Variants in RALGPS1 observed in about 807,000 individuals in gnomAD.
RALGPS1 encodes ras-specific guanine nucleotide-releasing factor RalGPS1.
In RALGPS1, 19 loss-of-function variants were observed where a neutral mutation model predicts 78.8. That is an observed-to-expected ratio of 0.24 (90% CI 0.17 to 0.35). The LOEUF (loss-of-function observed/expected upper bound fraction) is 0.35, where lower values mean the gene tolerates loss of function less well. Ranked by LOEUF, RALGPS1 falls within the 10% of genes least tolerant of loss-of-function variation. The probability of loss-of-function intolerance (pLI) is 1.00; values close to 1 mark genes in which losing one functional copy is unlikely to be tolerated. For missense variants in RALGPS1, 454 were observed against 688.3 expected, an observed-to-expected ratio of 0.66 and a Z score of 3.81; for synonymous variants, 228 against 256.3, an observed-to-expected ratio of 0.89 and a Z score of 1.06.
chr9:127,061,753 C>T (rs906421190), intron 7 of RALGPS1, among the ~76,000 whole-genome samples: 1 of 152,162 alleles, frequency 6.6e-6, no homozygotes, highest in Non-Finnish European at 1.5e-5. Flanking sequence ...CCCTAGAGAG[C>T]CCTTTCCTAT....
At chr9:126,998,195 C>T (rs1445433317) in intron 4 of RALGPS1, among the ~76,000 whole-genome samples, 5 of 152,148 alleles carry the variant, frequency 3.3e-5, no homozygotes, top group Non-Finnish European at 7.4e-5. Flanking sequence ...TAAAGAGCTT[C>T]TGCACAGCAA....
At chr9:127,056,442 C>G (rs2135500995) in intron 7 of RALGPS1, among the ~76,000 whole-genome samples, 1 of 152,332 alleles carries the variant, frequency 6.6e-6, no homozygotes, top group South Asian at 2.1e-4. Context: ...GCTGCTTGTT[C>G]TTGGTGAACC....
chr9:127,204,392 T>C (rs1184079691), intron 14 of RALGPS1, among the ~76,000 whole-genome samples: 3 of 152,102 alleles, frequency 2.0e-5, no homozygotes, highest in Non-Finnish European at 4.4e-5. Context: ...AGTGCTGGGA[T>C]GACAGGCAGG....
At chr9:127,029,986 G>GT (rs985676883) in intron 4 of RALGPS1, among the ~76,000 whole-genome samples, 3 of 152,300 alleles carry the variant, frequency 2.0e-5, no homozygotes, top group Non-Finnish European at 2.9e-5. Flanking sequence ...TTAAGACTAA[G>GT]TTTTTTTGCA....
At chr9:127,066,401 G>C (rs1430299183) in intron 7 of RALGPS1, among the ~76,000 whole-genome samples, 3 of 152,348 alleles carry the variant, frequency 2.0e-5, no homozygotes, top group East Asian at 3.9e-4. Context: ...AACACTTTGG[G>C]AGGCCAAGGC....
At chr9:127,061,860 C>T (rs867584259) in intron 7 of RALGPS1, among the ~76,000 whole-genome samples, 1 of 152,080 alleles carries the variant, frequency 6.6e-6, no homozygotes, top group African/African-American at 2.4e-5. Context: ...AGATCTGGAC[C>T]CTGAATGGGC....
chr9:127,035,747 T>C (rs758452207), intron 5 of RALGPS1, among the ~76,000 whole-genome samples: 1 of 152,184 alleles, frequency 6.6e-6, no homozygotes, highest in Non-Finnish European at 1.5e-5. Flanking sequence ...AGCATTATTA[T>C]TATTTGATGA....
At chr9:127,135,078 A>G (rs2057301709) in intron 8 of RALGPS1, among the ~76,000 whole-genome samples, 1 of 152,216 alleles carries the variant, frequency 6.6e-6, no homozygotes, top group Non-Finnish European at 1.5e-5. Context: ...GTGATGAGCT[A>G]TAGACCTTCG....
At chr9:127,029,056 G>A (rs575446823) in intron 4 of RALGPS1, among the ~76,000 whole-genome samples, 26 of 152,202 alleles carry the variant, frequency 1.7e-4, no homozygotes, top group African/African-American at 5.8e-4. Flanking sequence ...GGAAGGTGTG[G>A]ACATCATGCA....
At chr9:127,117,104 G>T (rs1006965059) in intron 8 of RALGPS1, among the ~76,000 whole-genome samples, 1 of 152,226 alleles carries the variant, frequency 6.6e-6, no homozygotes, top group Non-Finnish European at 1.5e-5. Context: ...CTTTGCATGT[G>T]CTGTGCTTCC....
At chr9:127,063,781 T>C (rs1410080245) in intron 7 of RALGPS1, among the ~76,000 whole-genome samples, 2 of 152,264 alleles carry the variant, frequency 1.3e-5, no homozygotes, top group Non-Finnish European at 2.9e-5. Flanking sequence ...GTTTAACGTA[T>C]AGTATTCTAA....
rs75994318 is a variant in RALGPS1, at chr9:127,099,567, C to T, written c.610+30211C>T. Among the ~76,000 whole-genome samples the T allele has an allele frequency of 8.6e-3, 1,309 of 152,276 alleles. 18 individuals carry two copies. The highest frequency in any genetic ancestry group is 0.03 in the African/African-American group (1,229 of 41,552). ...TGGGCACCCCATGAGGGCAGGAGAA[C>T]AGACACACAGGGTCGGGGGATGGGG... is the stretch of plus-strand genomic sequence containing the variant. On this transcript the variant is annotated intron_variant, in intron 8 of 18. Transcript: ENST00000259351.
intron 6 of RALGPS1, among the ~76,000 whole-genome samples, chr9:127,052,051 C>T (rs1028803214): frequency 3.9e-5 from 6 of 152,166 alleles, no homozygotes; most frequent in African/African-American, 9.7e-5. Flanking sequence ...GCAGAAGTGC[C>T]GTGATTGCCT....
At position 127,218,962 on chromosome 9, in the gene RALGPS1, C is replaced by A. The variant is rs150145245; in HGVS notation, c.*193C>A. 2 of 648,070 alleles carry A rather than the reference C, an allele frequency of 3.1e-6. No homozygotes were observed. Among genetic ancestry groups the A allele is most frequent in the East Asian group, 2.6e-5 (1 of 37,850 alleles). 40.1% of individuals were successfully genotyped at this position (648,070 alleles called of 1,614,324 possible). The stretch of plus-strand genomic sequence containing the variant: ...GTGGGATCCACCTGTCAGTCCCCAG[C>A]GACTCTCATGACACTCATTCTGCAG... On this transcript the variant is annotated 3_prime_UTR_variant, in exon 19 of 19. Coordinates refer to ENST00000259351, the MANE Select transcript of RALGPS1 (RefSeq NM_014636.3). This position sits in a 1 kb window ranked among gnomAD's most constrained non-coding sequence, Gnocchi z 4.4.
At chr9:126,935,846 A>G (rs2036207013) in intron 1 of RALGPS1, among the ~76,000 whole-genome samples, 3 of 152,232 alleles carry the variant, frequency 2.0e-5, no homozygotes, top group Admixed American at 2.0e-4. Context: ...CTCTGGCTCT[A>G]GAAGTGGAGC....
At chr9:127,204,057 G>C (rs989220901) in intron 14 of RALGPS1, among the ~76,000 whole-genome samples, 3 of 152,204 alleles carry the variant, frequency 2.0e-5, no homozygotes, top group African/African-American at 7.2e-5. Context: ...CCAGGTCCTT[G>C]GGCAGCTCTC....
chr9:126,981,176 G>A (rs1018226578), intron 4 of RALGPS1, among the ~76,000 whole-genome samples: 1 of 152,170 alleles, frequency 6.6e-6, no homozygotes, highest in Non-Finnish European at 1.5e-5. Context: ...GATCTGAAAG[G>A]CTTTGAGCAA....
chr9:127,194,392 A>G (rs929389805), intron 11 of RALGPS1, among the ~76,000 whole-genome samples: 1 of 152,148 alleles, frequency 6.6e-6, no homozygotes, highest in African/African-American at 2.4e-5. Flanking sequence ...CTCAGGGGTA[A>G]GGGAATGGAC....
chr9:127,133,072 A>C (rs897268368), intron 8 of RALGPS1, among the ~76,000 whole-genome samples: 1 of 152,238 alleles, frequency 6.6e-6, no homozygotes, highest in African/African-American at 2.4e-5. Flanking sequence ...ACCATTGAGG[A>C]CATGTACATG....
Sources: allele counts gnomAD v4.1 joint callset (sites outside exome capture counted in the v4.1 genomes callset), GRCh38; gene constraint gnomAD v4.1.1; non-coding constraint Gnocchi (gnomAD v3.1); transcripts MANE v1.5; gene names NCBI Gene and HGNC (gene_info 2026-07-23, HGNC 2026-07-21).